The following SLC9C2 variants were observed in gnomAD, a reference collection of about 807,000 sequenced individuals.
The protein encoded by SLC9C2 is solute carrier family 9 member C2 (putative).
Under a neutral mutation model 140.2 loss-of-function variants are expected in SLC9C2, and 75 were observed. The ratio of observed to expected loss-of-function variants is 0.53; its 90% CI spans 0.44 to 0.65. The LOEUF (loss-of-function observed/expected upper bound fraction) is 0.65, where lower values mean the gene tolerates loss of function less well. SLC9C2 is among the 30% of genes least tolerant of loss of function. The pLI is 0.00. For synonymous variants in SLC9C2, 375 were observed against 420.9 expected (o/e 0.89, Z 1.34); for missense variants, 1,074 against 1,331.8 (o/e 0.81, Z 3.01).
At chr1:173,597,108 T>G (rs1470286357) in intron 4 of SLC9C2, among the ~76,000 whole-genome samples, 1 of 151,934 alleles carries the variant, frequency 6.6e-6, no homozygotes, top group African/African-American at 2.4e-5. Flanking sequence ...ACATATATTT[T>G]TATAGCACAA....
At chr1:173,530,910 T>A (rs988747461) in intron 17 of SLC9C2, among the ~76,000 whole-genome samples, 1 of 152,096 alleles carries the variant, frequency 6.6e-6, no homozygotes, top group South Asian at 2.1e-4. Flanking sequence ...ATTTTTTTTT[T>A]AAGCTGCTAT....
In SLC9C2 at chr1:173,539,604, AC is replaced by A. The variant is rs570751332; in HGVS notation, c.1558-2566del. 3.7e-3 allele frequency among the ~76,000 whole-genome samples: 571 copies of A among 152,324 alleles called. 5 individuals are homozygous for A. Among genetic ancestry groups the A allele is most frequent in the Non-Finnish European group, 6.1e-3 (414 of 68,038 alleles). ...TGTTGAAAGGTATGGAAGGAAGATT[AC>A]AGATTTGTAGAGCATCTATGCATAG... is the stretch of plus-strand genomic sequence containing the variant. On this transcript the variant is annotated intron_variant, in intron 13 of 27. Transcript: ENST00000367714.
chr1:173,513,568 A>G (rs1361052435), intron 23 of SLC9C2, among the ~76,000 whole-genome samples: 1 of 151,606 alleles, frequency 6.6e-6, no homozygotes, highest in African/African-American at 2.4e-5. Context: ...TAGTCTAGCT[A>G]GCGGTCTATT....
At chr1:173,585,000 C>T (rs1338431017) in intron 5 of SLC9C2, among the ~76,000 whole-genome samples, 1 of 152,080 alleles carries the variant, frequency 6.6e-6, no homozygotes, top group East Asian at 1.9e-4. Flanking sequence ...TAAAACAAAT[C>T]TTCTATAATT....
intron 19 of SLC9C2, among the ~76,000 whole-genome samples, chr1:173,526,363 A>G (rs535810654): frequency 1.3e-5 from 2 of 152,290 alleles, no homozygotes; most frequent in Admixed American, 1.3e-4. Flanking sequence ...CCACCTTAAT[A>G]CACTTTCCAC....
chr1:173,575,065 A>C (rs1665089954), intron 8 of SLC9C2, among the ~76,000 whole-genome samples: 1 of 152,098 alleles, frequency 6.6e-6, no homozygotes, highest in African/African-American at 2.4e-5. Flanking sequence ...GGCCATAGTG[A>C]GCTTTGATAG....
chr1:173,511,866 A>G (rs1170802343), intron 23 of SLC9C2, among the ~76,000 whole-genome samples: 1 of 152,230 alleles, frequency 6.6e-6, no homozygotes, highest in Non-Finnish European at 1.5e-5. Flanking sequence ...GGTTTTCTGC[A>G]TATGGCTCAC....
chr1:173,582,077 C>T, intron 6 of SLC9C2, 69 bp from the exon 7 acceptor site: 2 of 1,253,732 alleles, frequency 1.6e-6, no homozygotes, highest in Non-Finnish European at 2.1e-6. Flanking sequence ...TCACTGATGG[C>T]ATTTGGGTCT....
At chr1:173,526,737 T>C (rs951960967) in intron 18 of SLC9C2, 23 bp from the exon 19 acceptor site, 4 of 1,468,848 alleles carry the variant, frequency 2.7e-6, no homozygotes, top group Non-Finnish European at 1.8e-6. Flanking sequence ...AAGAAAAACA[T>C]GTATTTCTTA....
chr1:173,554,968 A>G (rs10912643), intron 10 of SLC9C2, among the ~76,000 whole-genome samples, 154 bp from the exon 11 acceptor site: 54,769 of 152,184 alleles, frequency 0.36, 12,465 homozygotes, highest in East Asian at 0.64. Flanking sequence ...GCAAAAAGGC[A>G]GTTTTGTGGA....
At chr1:173,547,957 T>C (rs535545182) in intron 12 of SLC9C2, among the ~76,000 whole-genome samples, 173 bp from the exon 13 acceptor site, 1 of 152,354 alleles carries the variant, frequency 6.6e-6, no homozygotes, top group Admixed American at 6.5e-5. Flanking sequence ...TTGCCTTCAA[T>C]TGTGCTAAAG....
chr1:173,566,554 A>G (rs888005457), intron 9 of SLC9C2, among the ~76,000 whole-genome samples: 3 of 151,628 alleles, frequency 2.0e-5, no homozygotes, highest in Admixed American at 1.3e-4. Context: ...GATTCTATTT[A>G]TTTGGATTTT....
At chr1:173,540,959 T>A (rs1423163841) in intron 13 of SLC9C2, among the ~76,000 whole-genome samples, 1 of 152,096 alleles carries the variant, frequency 6.6e-6, no homozygotes, top group African/African-American at 2.4e-5. Flanking sequence ...AAAGGGCAAA[T>A]TAACCAGTTA....
intron 17 of SLC9C2, among the ~76,000 whole-genome samples, chr1:173,533,072 G>C (rs548723030): frequency 1.3e-5 from 2 of 152,132 alleles, no homozygotes; most frequent in African/African-American, 2.4e-5. Flanking sequence ...GGCTGGTCAG[G>C]AGAGGCCTCT....
intron 8 of SLC9C2, 63 bp downstream of exon 8, chr1:173,576,598 G>A (rs1665192123): frequency 1.0e-6 from 1 of 996,894 alleles, no homozygotes; most frequent in Admixed American, 2.4e-5. Context: ...TGTCCATGAA[G>A]GCGAGACGCC....
chr1:173,590,577 ATAAC>A (rs1302011248), intron 4 of SLC9C2, among the ~76,000 whole-genome samples: 1 of 152,242 alleles, frequency 6.6e-6, no homozygotes, highest in Non-Finnish European at 1.5e-5. Context: ...ATTAACAACA[ATAAC>A]TAATAATAAA....
intron 24 of SLC9C2, among the ~76,000 whole-genome samples, chr1:173,509,353 G>A (rs891672640): frequency 2.6e-5 from 4 of 151,730 alleles, no homozygotes; most frequent in African/African-American, 7.3e-5. Flanking sequence ...GCTGAGGCAG[G>A]AGAATTGCTT....
intron 3 of SLC9C2, among the ~76,000 whole-genome samples, chr1:173,598,989 G>A (rs1666600769): frequency 1.3e-5 from 2 of 152,240 alleles, no homozygotes; most frequent in African/African-American, 4.8e-5. Flanking sequence ...GTTAATGAAT[G>A]AATGAATGTT....
At chr1:173,595,306 C>A (rs1165809895) in intron 4 of SLC9C2, among the ~76,000 whole-genome samples, 1 of 152,122 alleles carries the variant, frequency 6.6e-6, no homozygotes, top group Non-Finnish European at 1.5e-5. Flanking sequence ...CACCACTTCA[C>A]AATCTCAAGA....
Sources: gnomAD v4.1 joint callset for allele counts (sites outside exome capture counted in the v4.1 genomes callset) on GRCh38, gnomAD v4.1.1 for gene constraint, MANE v1.5 for transcripts, NCBI Gene and HGNC (gene_info 2026-07-23, HGNC 2026-07-21) for gene names.